ADAMTS20: variants seen among roughly 807,000 people sequenced by gnomAD.
ADAMTS20 encodes the protein ADAM metallopeptidase with thrombospondin type 1 motif 20.
Under a neutral mutation model 260.1 loss-of-function variants are expected in ADAMTS20, and 225 were observed. The observed-to-expected ratio is 0.87, with a 90% CI of 0.78 to 0.97. The LOEUF (loss-of-function observed/expected upper bound fraction) is 0.97. Among genes scored for constraint, ADAMTS20 ranks in the 50% least tolerant of loss-of-function variants. ADAMTS20 has a pLI of 0.00. For synonymous variants in ADAMTS20, 802 were observed against 769.5 expected (o/e 1.04, Z -0.70); for missense variants, 2,400 against 2,337.7 (o/e 1.03, Z -0.55).
intron 37 of ADAMTS20, 133 bp from the exon 38 acceptor site, chr12:43,356,721 A>C (rs1387509652): frequency 6.5e-6 from 4 of 613,480 alleles, no homozygotes; most frequent in Non-Finnish European, 1.1e-5. Context: ...AACTCTGCCC[A>C]ACTCTAGGAC....
At chr12:43,544,741 C>A (rs961969867) in intron 2 of ADAMTS20, among the ~76,000 whole-genome samples, 4 of 152,182 alleles carry the variant, frequency 2.6e-5, no homozygotes, top group African/African-American at 9.7e-5. Context: ...AGAATAATTA[C>A]CTTTCTTGCC....
At chr12:43,464,864 A>G (rs977986454) in intron 9 of ADAMTS20, 132 bp from the exon 10 acceptor site, 3 of 956,424 alleles carry the variant, frequency 3.1e-6, no homozygotes, top group African/African-American at 1.7e-5. Flanking sequence ...TTAAAAACCA[A>G]CTCACATCAA....
rs1204267853 is a variant in ADAMTS20, at chr12:43,383,696, A to C, written c.4659T>G (p.His1553Gln). The change falls in exon 31 of 39, where the codon CAT (histidine) becomes CAG (glutamine). Residue 1553 changes from histidine (H) to glutamine (Q), a missense_variant. Coordinates refer to ENST00000389420, the MANE Select transcript of ADAMTS20 (RefSeq NM_025003.5). Reference protein sequence around the residue: ...CSTSCERKDSHQRMECTDNQI... With the variant: ...CSTSCERKDSQQRMECTDNQI... Reference sequence around the variant, plus strand: ...GGTTATCTGTGCACTCCATTCGTTGATGTGAATCTTTTCTCTCACATGATG... The same window carrying C: ...GGTTATCTGTGCACTCCATTCGTTGCTGTGAATCTTTTCTCTCACATGATG... 1 of 1,613,814 alleles carries C rather than the reference A, an allele frequency of 6.2e-7. No homozygotes were observed. Among genetic ancestry groups the C allele is most frequent in the Non-Finnish European group, 8.5e-7 (1 of 1,179,854 alleles).
intron 16 of ADAMTS20, among the ~76,000 whole-genome samples, chr12:43,440,401 G>T (rs1219397512): frequency 6.6e-6 from 1 of 152,030 alleles, no homozygotes; most frequent in African/African-American, 2.4e-5. Flanking sequence ...TGCCCGCTTC[G>T]GCCTCTCAAG....
intron 31 of ADAMTS20, among the ~76,000 whole-genome samples, chr12:43,378,842 G>C (rs1940287009): frequency 6.6e-6 from 1 of 152,056 alleles, no homozygotes; most frequent in Admixed American, 6.6e-5. Flanking sequence ...TGACAAAATG[G>C]GCAAAATTTG....
In ADAMTS20 at chr12:43,428,340, G is replaced by A. The variant is rs1012596091; in HGVS notation, c.3846C>T (p.Ser1282=). 2 of 1,613,802 alleles carry A rather than the reference G, an allele frequency of 1.2e-6. No homozygotes were observed. The highest frequency in any genetic ancestry group is 1.7e-6 in the Non-Finnish European group (2 of 1,179,892). The change falls in exon 26 of 39, where the codon AGC becomes AGT. Residue 1282 remains serine, a synonymous_variant. Coordinates refer to ENST00000389420, the MANE Select transcript of ADAMTS20 (RefSeq NM_025003.5). The stretch of plus-strand genomic sequence containing the variant: ...GTTTTTGAGTTAATGGCAAATTCGT[G>A]CTTAGATAATAGCTTGGCTGCACAG... ...SSPVQPSYYL[S]TNLPLTQKLE...
rs547984218 is a variant in ADAMTS20 at position 43,509,088 on chromosome 12, G to A, written c.614-6683C>T. Among the ~76,000 whole-genome samples the A allele has an allele frequency of 5.2e-4, 79 of 152,100 alleles. 2 individuals carry two copies. The highest frequency in any genetic ancestry group is 4.7e-3 in the Admixed American group (72 of 15,270). On this transcript the variant is annotated intron_variant, in intron 3 of 38. Coordinates refer to ENST00000389420, the MANE Select transcript of ADAMTS20 (RefSeq NM_025003.5). ...ATGTTCCTGCAAAGGACATGATCTC[G>A]TTCCTTTTTATGGCTGCATAGTAGT...
At chr12:43,522,639 T>C (rs1943088062) in intron 3 of ADAMTS20, among the ~76,000 whole-genome samples, 1 of 152,190 alleles carries the variant, frequency 6.6e-6, no homozygotes, top group South Asian at 2.1e-4. Flanking sequence ...AGAGGCTTTG[T>C]TTCATTCCTG....
intron 2 of ADAMTS20, among the ~76,000 whole-genome samples, chr12:43,542,210 A>G (rs1943385907): frequency 6.6e-6 from 1 of 152,236 alleles, no homozygotes; most frequent in East Asian, 1.9e-4. Context: ...ACTGTCTCCA[A>G]AATATCCGTG....
At chr12:43,514,441 A>C (rs1252829708) in intron 3 of ADAMTS20, among the ~76,000 whole-genome samples, 1 of 151,710 alleles carries the variant, frequency 6.6e-6, no homozygotes. Context: ...GCGTGCCTGT[A>C]ATCCCAGTTA....
chr12:43,498,484 T>A (rs767868477), intron 4 of ADAMTS20, among the ~76,000 whole-genome samples: 20 of 152,176 alleles, frequency 1.3e-4, no homozygotes, highest in Non-Finnish European at 2.5e-4. Context: ...GAACTTGTCT[T>A]TATCATATAC....
At chr12:43,485,094 CAAAAAAAA>C (rs59409245) in intron 7 of ADAMTS20, among the ~76,000 whole-genome samples, 1 of 118,750 alleles carries the variant, frequency 8.4e-6, no homozygotes, top group Non-Finnish European at 1.8e-5. Context: ...AGGACGTAGC[CAAAAAAAA>C]AAAAAAAAAG....
chr12:43,369,254 CAAAG>C (rs1235850049), intron 37 of ADAMTS20, 32 bp downstream of exon 37: 1 of 1,309,380 alleles, frequency 7.6e-7, no homozygotes, highest in Non-Finnish European at 1.0e-6. Flanking sequence ...ATTTTTTTCA[CAAAG>C]AAAGAAAATT....
intron 36 of ADAMTS20, among the ~76,000 whole-genome samples, chr12:43,373,951 T>G (rs371056049): frequency 6.6e-6 from 1 of 152,088 alleles, no homozygotes; most frequent in East Asian, 1.9e-4. Flanking sequence ...AGTGCTGGGA[T>G]TACAGGCGTG....
At chr12:43,466,963 AAGT>A in intron 8 of ADAMTS20, among the ~76,000 whole-genome samples, 168 bp from the exon 9 acceptor site, 1 of 151,960 alleles carries the variant, frequency 6.6e-6, no homozygotes, top group African/African-American at 2.4e-5. Flanking sequence ...TCATGTTTAG[AAGT>A]ACCTGATGAC....
intron 37 of ADAMTS20, among the ~76,000 whole-genome samples, chr12:43,365,916 T>C (rs945974653): frequency 6.6e-6 from 1 of 151,742 alleles, no homozygotes; most frequent in Non-Finnish European, 1.5e-5. Context: ...CTGAGGAAAT[T>C]AAAATGTTAC....
At chr12:43,439,814 A>G in intron 17 of ADAMTS20, 63 bp from the exon 18 acceptor site, 1 of 1,553,890 alleles carries the variant, frequency 6.4e-7, no homozygotes. Context: ...ACATCATTTT[A>G]TATTTGATAA....
chr12:43,528,336 G>A (rs1253802590), intron 3 of ADAMTS20, among the ~76,000 whole-genome samples: 1 of 57,476 alleles, frequency 1.7e-5, no homozygotes, highest in South Asian at 7.0e-4. Context: ...CAACAGCCAA[G>A]GCAATCCTAA....
rs764669631 is a variant in ADAMTS20, at chr12:43,383,802, A to ACATTCAGC, written c.4620_4626+1dup. 2.4e-5 allele frequency: 38 copies of ACATTCAGC among 1,613,616 alleles called. No homozygotes were observed. The African/African-American group carries it at 4.8e-4, about 20-fold the overall frequency. The stretch of plus-strand genomic sequence containing the variant: ...TTTGAAAATTTACATGTCGATACTC[A>ACATTCAGC]CATTCAGCCTCCCTCTTTCCATCCC... On this transcript the variant is annotated splice_donor_variant, in intron 30 of 38. Transcript: ENST00000389420. LOFTEE classifies it high-confidence loss of function.
Sources: gnomAD v4.1 joint callset for allele counts (sites outside exome capture counted in the v4.1 genomes callset) on GRCh38, gnomAD v4.1.1 for gene constraint, MANE v1.5 for transcripts, NCBI Gene and HGNC (gene_info 2026-07-23, HGNC 2026-07-21) for gene names.